The following ZNF146 variants were observed in gnomAD, a reference collection of about 807,000 sequenced individuals.
The protein encoded by ZNF146 is zinc finger protein OZF.
In ZNF146, 9 loss-of-function variants were observed where a neutral mutation model predicts 22.2. The ratio of observed to expected loss-of-function variants is 0.41; its 90% CI spans 0.24 to 0.71. The LOEUF is 0.71. Ranked by LOEUF, ZNF146 falls within the 30% of genes least tolerant of loss-of-function variation. The pLI is 0.34. For synonymous variants in ZNF146, 108 were observed against 119.2 expected (o/e 0.91, Z 0.61); for missense variants, 194 against 344.8 (o/e 0.56, Z 3.46).
intron 1 of ZNF146, among the ~76,000 whole-genome samples, chr19:36,215,659 CTTTT>C (rs568945389): frequency 6.8e-6 from 1 of 148,076 alleles, no homozygotes; most frequent in African/African-American, 2.5e-5. Context: ...ATCACCGTGA[CTTTT>C]TTTTTTAATT....
chr19:36,225,321 A>G (rs1413663275), intron 2 of ZNF146, among the ~76,000 whole-genome samples: 1 of 152,196 alleles, frequency 6.6e-6, no homozygotes. Context: ...CAAATGGGAC[A>G]AAAATAAGAT....
chr19:36,236,489 G>A lies in ZNF146; in HGVS notation c.49G>A (p.Ala17Thr). ...QRIYSGENPFACKVCGKVFSH... is the reference protein window; with the variant it reads ...QRIYSGENPFTCKVCGKVFSH... The stretch of plus-strand genomic sequence containing the variant: ...AATTTACAGTGGGGAAAACCCCTTT[G>A]CCTGTAAGGTATGTGGAAAAGTCTT... The change falls in exon 4 of 4, where the codon GCC becomes ACC. Residue 17 changes from alanine to threonine, a missense_variant. This residue lies in a region of ZNF146 where 47 missense variants were observed against 44.7 expected (regional missense o/e 1.05). Transcript: ENST00000443387. 6.2e-7 allele frequency: 1 copy of A among 1,613,846 alleles called. No individual in the cohort carries two copies. The highest frequency in any genetic ancestry group is 1.1e-5 in the South Asian group (1 of 90,956).
chr19:36,225,892 C>T (rs1169505406), intron 2 of ZNF146, among the ~76,000 whole-genome samples: 1 of 151,250 alleles, frequency 6.6e-6, no homozygotes, highest in East Asian at 2.0e-4. Flanking sequence ...TCCCAAGTAG[C>T]TGGGACTACA....
At chr19:36,227,364 T>C (rs1439196939) in intron 2 of ZNF146, among the ~76,000 whole-genome samples, 1 of 147,034 alleles carries the variant, frequency 6.8e-6, no homozygotes, top group Admixed American at 7.0e-5. Flanking sequence ...ACTCCCAGCC[T>C]GGGCAACAGA....
chr19:36,234,660 G>T (rs535121160), intron 3 of ZNF146, among the ~76,000 whole-genome samples: 1 of 152,122 alleles, frequency 6.6e-6, no homozygotes, highest in Non-Finnish European at 1.5e-5. Flanking sequence ...GCCTCCCAAC[G>T]TGCTGGGATT....
At chr19:36,222,942 G>A (rs1322338375) in intron 2 of ZNF146, among the ~76,000 whole-genome samples, 1 of 151,212 alleles carries the variant, frequency 6.6e-6, no homozygotes, top group Non-Finnish European at 1.5e-5. Context: ...TGTGGTTGGT[G>A]AGCACAGAGA....
At chr19:36,234,927 T>G (rs1977582282) in intron 3 of ZNF146, among the ~76,000 whole-genome samples, 1 of 152,206 alleles carries the variant, frequency 6.6e-6, no homozygotes, top group Non-Finnish European at 1.5e-5. Flanking sequence ...CTTACACTTT[T>G]TTTTCAGCCA....
chr19:36,237,126 T>G lies in ZNF146; in HGVS notation c.686T>G (p.Val229Gly). The G allele has an allele frequency of 6.2e-7, 1 of 1,614,156 alleles. No individual in the cohort carries two copies. Among genetic ancestry groups the G allele is most frequent in the Non-Finnish European group, 8.5e-7 (1 of 1,180,000 alleles). The change falls in exon 4 of 4, where the codon GTG (valine) becomes GGG (glycine). Residue 229 changes from valine (V) to glycine (G), a missense_variant. Transcript: ENST00000443387. Reference protein sequence around the residue: ...KAFSQSSSLTVHVRSHTGEKP... With the variant: ...KAFSQSSSLTGHVRSHTGEKP... ...TTCTCTCAGAGCTCATCTCTCACTG[T>G]GCATGTGAGAAGCCATACAGGGGAG...
intron 1 of ZNF146, among the ~76,000 whole-genome samples, chr19:36,217,480 C>G (rs1452387194): frequency 6.6e-6 from 1 of 151,842 alleles, no homozygotes; most frequent in Non-Finnish European, 1.5e-5. Context: ...CATAGCTGTA[C>G]AAAAGAATGA....
At chr19:36,220,911 G>C (rs1044900838) in intron 2 of ZNF146, among the ~76,000 whole-genome samples, 4 of 150,732 alleles carry the variant, frequency 2.7e-5, no homozygotes, top group Non-Finnish European at 4.4e-5. Flanking sequence ...GAGTGCAGTG[G>C]TGTGATCTTG....
intron 1 of ZNF146, among the ~76,000 whole-genome samples, chr19:36,215,824 G>C (rs1011299741): frequency 6.6e-6 from 1 of 152,058 alleles, no homozygotes; most frequent in Non-Finnish European, 1.5e-5. Context: ...ATATAACGGC[G>C]CCCAGGATGA....
At chr19:36,218,953 C>T (rs1000395278) in intron 2 of ZNF146, among the ~76,000 whole-genome samples, 9 of 151,316 alleles carry the variant, frequency 5.9e-5, no homozygotes, top group African/African-American at 9.7e-5. Flanking sequence ...GGACTACGGG[C>T]GCCCACCACC....
chr19:36,236,482 C>A lies in ZNF146; in HGVS notation c.42C>A (p.Asn14Lys), dbSNP rs1032673956. 3 of 1,612,948 alleles carry A rather than the reference C, an allele frequency of 1.9e-6. No homozygotes were observed. The highest frequency in any genetic ancestry group is 2.5e-6 in the Non-Finnish European group (3 of 1,179,536). ...AGCAGAGAATTTACAGTGGGGAAAACCCCTTTGCCTGTAAGGTATGTGGAA... is the reference window on the plus strand; with the variant it reads ...AGCAGAGAATTTACAGTGGGGAAAAACCCTTTGCCTGTAAGGTATGTGGAA... ...LSQQRIYSGE[N>K]PFACKVCGKV... Residue 14 changes from asparagine (N) to lysine (K), a missense_variant, in exon 4 of 4, where the codon AAC (asparagine) becomes AAA (lysine). Around this residue, in one of 2 missense-constraint regions of ZNF146, gnomAD observed 47 missense variants for 44.7 expected, o/e 1.05. Transcript: ENST00000443387.
At position 36,229,548 on chromosome 19, in the gene ZNF146, G is replaced by A. The variant is rs145705983; in HGVS notation, c.-783+729G>A. Among the ~76,000 whole-genome samples the A allele has an allele frequency of 4.8e-3, 728 of 152,196 alleles. 5 individuals carry two copies. The highest frequency in any genetic ancestry group is 0.016 in the African/African-American group (682 of 41,496). ...TTGTGGTCACGTTTACGCGTGTCACGTATATCCTTCTTGAGGTAACCTAGG... is the reference window on the plus strand; with the variant it reads ...TTGTGGTCACGTTTACGCGTGTCACATATATCCTTCTTGAGGTAACCTAGG... On this transcript the variant is annotated intron_variant, in intron 3 of 3. Transcript: ENST00000443387.
rs1012415333 is a variant in ZNF146, at chr19:36,238,464, T to C, written c.*1145T>C. ...TTCAGCTTTTTATATAAACATCCAC[T>C]TCTCTTTCAAAAGACTTCAAGTAAA... On this transcript the variant is annotated 3_prime_UTR_variant, in exon 4 of 4. Coordinates refer to ENST00000443387, the MANE Select transcript of ZNF146 (RefSeq NM_007145.3). 6.0e-6 allele frequency: 1 copy of C among 167,102 alleles called. No individual in the cohort carries two copies. Among genetic ancestry groups the C allele is most frequent in the Non-Finnish European group, 1.5e-5 (1 of 68,120 alleles). The allele number at this position is 167,102 out of a possible 1,614,324, so 10.4% of individuals were successfully genotyped here.
chr19:36,222,935 G>A lies in ZNF146; in HGVS notation c.-855+4740G>A, dbSNP rs188597472. Among the ~76,000 whole-genome samples, 451 of 151,338 alleles carry A rather than the reference G, an allele frequency of 3.0e-3. 2 individuals are homozygous for A. The highest frequency in any genetic ancestry group is 0.01 in the African/African-American group (420 of 41,310). Reference sequence around the variant, plus strand: ...GCCGTGCTTAGAATGAGCCCCCTGTGGTTGGTGAGCACAGAGACATCCCCG... The same window carrying A: ...GCCGTGCTTAGAATGAGCCCCCTGTAGTTGGTGAGCACAGAGACATCCCCG... On this transcript the variant is annotated intron_variant, in intron 2 of 3. Transcript: ENST00000443387.
chr19:36,231,277 G>A (rs1028269778), intron 3 of ZNF146, among the ~76,000 whole-genome samples: 2 of 151,748 alleles, frequency 1.3e-5, no homozygotes, highest in Admixed American at 6.6e-5. Context: ...TGGTGCCATC[G>A]TGGCTCACCG....
chr19:36,229,398 T>G (rs1021405298), intron 3 of ZNF146, among the ~76,000 whole-genome samples: 4 of 152,196 alleles, frequency 2.6e-5, no homozygotes, highest in African/African-American at 4.8e-5. Context: ...GGGGTCTATA[T>G]GTATGGCACA....
chr19:36,225,224 G>A (rs931406273), intron 2 of ZNF146, among the ~76,000 whole-genome samples: 8 of 152,140 alleles, frequency 5.3e-5, no homozygotes, highest in African/African-American at 1.9e-4. Context: ...ACTGCTAATA[G>A]CCAAGGTGCA....
Sources: gnomAD v4.1 joint callset for allele counts (sites outside exome capture counted in the v4.1 genomes callset) on GRCh38, gnomAD v4.1.1 for gene constraint, gnomAD v4.1.1 regional missense constraint, MANE v1.5 for transcripts, NCBI Gene and HGNC (gene_info 2026-07-23, HGNC 2026-07-21) for gene names.